Variants in ANKRD62 observed in about 807,000 individuals in gnomAD.
ANKRD62 encodes ankyrin repeat domain-containing protein 62.
ANKRD62 carries 61 observed loss-of-function variants against 98.8 expected under a neutral mutation model. The ratio of observed to expected loss-of-function variants is 0.62; its 90% CI spans 0.50 to 0.76. ANKRD62 has a LOEUF of 0.76. Ranked by LOEUF, ANKRD62 falls within the 30% of genes least tolerant of loss-of-function variation. ANKRD62 has a pLI of 0.00. For synonymous variants in ANKRD62, 341 were observed against 367.9 expected (o/e 0.93, Z 0.84); for missense variants, 933 against 1,082.9 (o/e 0.86, Z 1.94).
At chr18:12,130,770 G>A (rs1203754885), downstream of ANKRD62, among the ~76,000 whole-genome samples, 1 of 151,782 alleles carries the variant, frequency 6.6e-6, no homozygotes, top group Non-Finnish European at 1.5e-5. Flanking sequence ...TCAGCTCACT[G>A]CAACCTCTGC....
chr18:12,146,140 G>A, the ANKRD62 span, among the ~76,000 whole-genome samples: 7 of 150,550 alleles, frequency 4.6e-5, no homozygotes, highest in Admixed American at 1.3e-4. Flanking sequence ...AGCGCAGCAC[G>A]GCTGTTCTAT....
Position 12,127,920 on chromosome 18 carries a change from T to C in ANKRD62, c.2735T>C (p.Met912Thr). The C allele has an allele frequency of 2.0e-6, 3 of 1,492,578 alleles. No individual in the cohort carries two copies. Among genetic ancestry groups the C allele is most frequent in the Non-Finnish European group, 1.8e-6 (2 of 1,128,926 alleles). The allele number at this position is 1,492,578 out of a possible 1,614,324, so 92.5% of individuals were successfully genotyped here. A position where few individuals can be genotyped will look rare whatever the true frequency, so the allele number is the denominator to read the frequency against. Residue 912 changes from methionine (M) to threonine (T), a missense_variant, in exon 14 of 14, where the codon ATG (methionine) becomes ACG (threonine). By Grantham distance (81) the Met-to-Thr change is moderately conservative (BLOSUM62 -1). Transcript: ENST00000587848. ...MRSQVCMKLS[M>T]STVTL is the part of the protein sequence containing the mutation. The stretch of plus-strand genomic sequence containing the variant: ...AGTCAAGTATGTATGAAACTTAGCA[T>C]GTCAACAGTTACTCTGTAGCTGGTT...
intron 8 of ANKRD62, among the ~76,000 whole-genome samples, chr18:12,111,717 A>T (rs1286901872): frequency 6.6e-6 from 1 of 152,220 alleles, no homozygotes; most frequent in Non-Finnish European, 1.5e-5. Flanking sequence ...GTCTCAGGAT[A>T]CAAAATCAAT....
At chr18:12,135,244 C>T in the ANKRD62 span, among the ~76,000 whole-genome samples, 1 of 140,728 alleles carries the variant, frequency 7.1e-6, no homozygotes, top group African/African-American at 2.8e-5. Context: ...TTCCTGTGTC[C>T]ATGTGTTCTC....
At chr18:12,131,179 T>A (rs1320891137), downstream of ANKRD62, among the ~76,000 whole-genome samples, 1 of 152,184 alleles carries the variant, frequency 6.6e-6, no homozygotes, top group African/African-American at 2.4e-5. Context: ...CTCCTTGACA[T>A]ATAATAGGGC....
chr18:12,158,528 A>AT, the ANKRD62 span, among the ~76,000 whole-genome samples: 456 of 92,844 alleles, frequency 4.9e-3, 3 homozygotes, highest in African/African-American at 0.015. Context: ...TTTTATTTTT[A>AT]TTTTTTATTT....
the ANKRD62 span, among the ~76,000 whole-genome samples, chr18:12,168,102 G>C: frequency 1.3e-5 from 2 of 152,096 alleles, no homozygotes; most frequent in African/African-American, 4.8e-5. Context: ...CACTCTGATG[G>C]TAGTTTCTTT....
At chr18:12,181,524 G>A in the ANKRD62 span, among the ~76,000 whole-genome samples, 4 of 152,140 alleles carry the variant, frequency 2.6e-5, no homozygotes, top group African/African-American at 9.7e-5. Context: ...ACCATATTGG[G>A]TGTGAACCTA....
the ANKRD62 span, among the ~76,000 whole-genome samples, chr18:12,179,489 C>T: frequency 0.13 from 19,083 of 143,002 alleles, 1,689 homozygotes; most frequent in African/African-American, 0.22. Context: ...AGGGGTAGGA[C>T]AAAACAATTG....
intron 4 of ANKRD62, among the ~76,000 whole-genome samples, 170 bp downstream of exon 4, chr18:12,096,472 A>T (rs1909184707): frequency 6.6e-6 from 1 of 152,240 alleles, no homozygotes. Flanking sequence ...ACTGGGCAAC[A>T]TAAAAAATAG....
the ANKRD62 span, among the ~76,000 whole-genome samples, chr18:12,175,103 G>C: frequency 1.1e-4 from 16 of 152,370 alleles, no homozygotes; most frequent in East Asian, 3.1e-3. Context: ...ACAGCTCAGG[G>C]AAGGGTAGGG....
intron 10 of ANKRD62, among the ~76,000 whole-genome samples, chr18:12,116,386 A>G (rs1351835822): frequency 1.3e-5 from 2 of 152,236 alleles, no homozygotes; most frequent in East Asian, 3.8e-4. Context: ...GTTAATATGC[A>G]TGATCCTAAT....
intron 6 of ANKRD62, 60 bp downstream of exon 6, chr18:12,099,742 G>C: frequency 9.8e-7 from 1 of 1,017,950 alleles, no homozygotes; most frequent in South Asian, 2.7e-5. Context: ...AAAGTAAGAG[G>C]AAGGAAGTTT....
At position 12,126,212 on chromosome 18, in the gene ANKRD62, T is replaced by A; in HGVS notation, c.2391T>A (p.Ala797=). ...AGTGTAATGATGCTCGCAAGAAAGC[T>A]GACAATCAGGAGAAAACAATAATTA... is the stretch of plus-strand genomic sequence containing the variant. ...QQQCNDARKK[A]DNQEKTIINI... The change falls in exon 13 of 14, where the codon GCT becomes GCA. Residue 797 remains alanine (A), a synonymous_variant. Coordinates refer to ENST00000587848, the MANE Select transcript of ANKRD62 (RefSeq NM_001277333.2). 6.5e-7 allele frequency: 1 copy of A among 1,536,058 alleles called. No individual in the cohort carries two copies.
chr18:12,141,167 A>C, the ANKRD62 span, among the ~76,000 whole-genome samples: 1 of 152,202 alleles, frequency 6.6e-6, no homozygotes, highest in Non-Finnish European at 1.5e-5. Context: ...TGTGGGATAT[A>C]ATCTCCTGGT....
downstream of ANKRD62, among the ~76,000 whole-genome samples, chr18:12,133,419 C>T (rs1298952541): frequency 2.0e-5 from 3 of 152,248 alleles, no homozygotes; most frequent in South Asian, 2.1e-4. Context: ...AAGTGGGAAT[C>T]GAGGTCAAAT....
chr18:12,118,330 G>C (rs765921700), intron 10 of ANKRD62, among the ~76,000 whole-genome samples: 7 of 152,138 alleles, frequency 4.6e-5, no homozygotes, highest in South Asian at 2.1e-4. Context: ...TTTTTAGGCC[G>C]GGCACGGTGG....
the ANKRD62 span, among the ~76,000 whole-genome samples, chr18:12,135,307 C>A: frequency 1.3e-5 from 2 of 149,654 alleles, no homozygotes; most frequent in Admixed American, 6.7e-5. Flanking sequence ...GTTTTTTGTC[C>A]TTGCAATAGT....
At chr18:12,130,151 A>G (rs1909981375), downstream of ANKRD62, among the ~76,000 whole-genome samples, 1 of 152,194 alleles carries the variant, frequency 6.6e-6, no homozygotes, top group South Asian at 2.1e-4. Flanking sequence ...TTTGAAATGC[A>G]TAAATTTTCT....
Sources: allele counts gnomAD v4.1 joint callset (sites outside exome capture counted in the v4.1 genomes callset), GRCh38; gene constraint gnomAD v4.1.1; transcripts MANE v1.5; gene names NCBI Gene and HGNC (gene_info 2026-07-23, HGNC 2026-07-21).